Variants in EHMT1 observed in about 807,000 individuals in gnomAD.
The protein encoded by EHMT1 is euchromatic histone lysine methyltransferase 1.
EHMT1 carries 15 observed loss-of-function variants against 147.2 expected under a neutral mutation model. The observed-to-expected ratio is 0.10, with a 90% CI of 0.07 to 0.16. The LOEUF (loss-of-function observed/expected upper bound fraction) is 0.16, where lower values mean the gene tolerates loss of function less well. Among genes scored for constraint, EHMT1 ranks in the 10% least tolerant of loss-of-function variants. The pLI is 1.00. For missense variants in EHMT1, 1,587 were observed against 1,772.4 expected (o/e 0.90, Z 1.88); for synonymous variants, 795 against 709.6 (o/e 1.12, Z -1.91).
At chr9:137,679,681 TAGAGTTA>T (rs1399517193) in intron 1 of EHMT1, among the ~76,000 whole-genome samples, 1 of 152,238 alleles carries the variant, frequency 6.6e-6, no homozygotes, top group Non-Finnish European at 1.5e-5. Flanking sequence ...TCTTTCCTTA[TAGAGTTA>T]AGAGTAAGTA....
chr9:137,761,297 G>T (rs930050101), intron 9 of EHMT1, among the ~76,000 whole-genome samples: 2 of 152,196 alleles, frequency 1.3e-5, no homozygotes, highest in Non-Finnish European at 2.9e-5. Context: ...CTTTACTATA[G>T]GCATTTGCCA....
At chr9:137,810,803 A>G (rs1954414001) in intron 18 of EHMT1, among the ~76,000 whole-genome samples, 1 of 151,742 alleles carries the variant, frequency 6.6e-6, no homozygotes, top group Non-Finnish European at 1.5e-5. Context: ...GGGTTCAAGC[A>G]ATTCTCCTGC....
At chr9:137,631,497 CATG>C (rs1339125232) in intron 1 of EHMT1, among the ~76,000 whole-genome samples, 2 of 152,206 alleles carry the variant, frequency 1.3e-5, no homozygotes, top group Admixed American at 6.5e-5. Context: ...GTGCATATTT[CATG>C]ATGTTTATGA....
intron 2 of EHMT1, among the ~76,000 whole-genome samples, chr9:137,713,814 G>T (rs1314104128): frequency 6.6e-6 from 1 of 151,868 alleles, no homozygotes; most frequent in Admixed American, 6.6e-5. Context: ...GCGGGATGTG[G>T]TGGCTCGCAC....
chr9:137,784,092 T>A, intron 15 of EHMT1: 1 of 1,268,238 alleles, frequency 7.9e-7, no homozygotes, highest in East Asian at 2.5e-5. Context: ...AGAAAAGAAA[T>A]TTATTTCTCA....
intron 3 of EHMT1, among the ~76,000 whole-genome samples, chr9:137,723,426 G>A (rs1388490917): frequency 7.3e-6 from 1 of 136,710 alleles, no homozygotes; most frequent in East Asian, 2.3e-4. Context: ...CTGTGGTTCT[G>A]GGCCTGAGCC....
intron 16 of EHMT1, among the ~76,000 whole-genome samples, chr9:137,795,857 A>G (rs1264895491): frequency 6.6e-6 from 1 of 152,202 alleles, no homozygotes; most frequent in Non-Finnish European, 1.5e-5. Context: ...AAGCACCAAG[A>G]AAATAAAACA....
intron 1 of EHMT1, among the ~76,000 whole-genome samples, chr9:137,640,677 G>T (rs553449215): frequency 1.3e-5 from 2 of 152,348 alleles, no homozygotes; most frequent in Non-Finnish European, 2.9e-5. Context: ...CATTATAGGG[G>T]CCTGGCGCCC....
At chr9:137,795,808 A>G (rs937346513) in intron 16 of EHMT1, among the ~76,000 whole-genome samples, 9 of 152,202 alleles carry the variant, frequency 5.9e-5, no homozygotes, top group Admixed American at 3.3e-4. Context: ...GTATTAATCT[A>G]AGAAGACCAG....
Position 137,818,175 on chromosome 9 carries a change from T to C in EHMT1, c.3540+37T>C. The C allele has an allele frequency of 1.9e-6, 3 of 1,605,694 alleles. No homozygotes were observed. In the African/African-American group the frequency reaches 4.0e-5, roughly 21 times the overall value. On this transcript the variant is annotated intron_variant, in intron 25 of 26. Transcript: ENST00000460843. ...TGTGGGGTTGGGGCCACGCAGAACTTGTGAACTGTAAAACCTGAATGTGTT... is the reference window on the plus strand; with the variant it reads ...TGTGGGGTTGGGGCCACGCAGAACTCGTGAACTGTAAAACCTGAATGTGTT...
Position 137,782,355 on chromosome 9 carries a change from G to T in EHMT1, c.2340G>T (p.Ala780=), listed in dbSNP as rs139463826. The T allele has an allele frequency of 2.5e-6, 4 of 1,612,518 alleles. No homozygotes were observed. In the South Asian group the frequency reaches 3.3e-5, roughly 13 times the overall value. ...ATAAGCGCTCTCCACTGCACGCCGC[G>T]GCAGAGGCTGGACACGTGGACATCT... is the stretch of plus-strand genomic sequence containing the variant. ...HQNKRSPLHA[A]AEAGHVDICH... is the part of the protein sequence containing the mutation. The change falls in exon 15 of 27, where the codon GCG becomes GCT. Residue 780 remains alanine (A), a synonymous_variant. Coordinates refer to ENST00000460843, the MANE Select transcript of EHMT1 (RefSeq NM_024757.5). This position sits in a 1 kb window ranked among gnomAD's most constrained non-coding sequence, Gnocchi z 5.7.
In EHMT1 at chr9:137,782,985, TCTC is replaced by T. The variant is rs1481413771; in HGVS notation, c.2382+589_2382+591del. On this transcript the variant is annotated intron_variant, in intron 15 of 26. Coordinates refer to ENST00000460843, the MANE Select transcript of EHMT1 (RefSeq NM_024757.5). This position sits in a 1 kb window ranked among gnomAD's most constrained non-coding sequence, Gnocchi z 5.7. Reference sequence around the variant, plus strand: ...TGATCCCGGTGTTGGATCCCCTGTTTCTCAAGTGCCAGGTTTGAGTCTGGTGCA... The same window carrying T: ...TGATCCCGGTGTTGGATCCCCTGTTTAAGTGCCAGGTTTGAGTCTGGTGCA... Among the ~76,000 whole-genome samples the T allele has an allele frequency of 2.0e-5, 3 of 152,212 alleles. No homozygotes were observed. Among genetic ancestry groups the T allele is most frequent in the Non-Finnish European group, 4.4e-5 (3 of 68,032 alleles).
chr9:137,810,254 T>C (rs1181520444), intron 18 of EHMT1, among the ~76,000 whole-genome samples: 1 of 151,046 alleles, frequency 6.6e-6, no homozygotes, highest in Non-Finnish European at 1.5e-5. Context: ...GGACCGTCGG[T>C]GATGGGTCCG....
intron 15 of EHMT1, chr9:137,785,698 G>T (rs1951904760): frequency 6.6e-6 from 1 of 152,128 alleles, no homozygotes; most frequent in Non-Finnish European, 1.5e-5. Flanking sequence ...AAAACATATG[G>T]TTGCATCATG....
At chr9:137,666,916 A>G (rs185005131) in intron 1 of EHMT1, 37 of 152,338 alleles carry the variant, frequency 2.4e-4, no homozygotes, top group African/African-American at 8.7e-4. Flanking sequence ...TTAATTGTAA[A>G]TAACAGGATT....
intron 1 of EHMT1, among the ~76,000 whole-genome samples, chr9:137,673,869 C>T (rs759519460): frequency 2.0e-5 from 3 of 152,218 alleles, no homozygotes; most frequent in Non-Finnish European, 4.4e-5. Flanking sequence ...CAACATATTA[C>T]TTAGCCTCCC....
At chr9:137,737,572 G>A (rs1178692033) in intron 4 of EHMT1, among the ~76,000 whole-genome samples, 2 of 152,122 alleles carry the variant, frequency 1.3e-5, no homozygotes, top group Non-Finnish European at 2.9e-5. Flanking sequence ...GAAAACATAG[G>A]ACAAAGGCTC....
chr9:137,743,157 A>G (rs1243973173), intron 4 of EHMT1: 2 of 559,000 alleles, frequency 3.6e-6, no homozygotes, highest in Middle Eastern at 4.9e-4. Context: ...TGAACAGATG[A>G]TCCAGGACGT....
intron 1 of EHMT1, among the ~76,000 whole-genome samples, chr9:137,621,625 AG>A (rs1329797653): frequency 1.3e-5 from 2 of 152,060 alleles, no homozygotes; most frequent in Admixed American, 6.6e-5. Flanking sequence ...GAAAAAAAAA[AG>A]AAAAAAAACT....
Sources: allele counts gnomAD v4.1 joint callset (sites outside exome capture counted in the v4.1 genomes callset), GRCh38; gene constraint gnomAD v4.1.1; non-coding constraint Gnocchi (gnomAD v3.1); transcripts MANE v1.5; gene names NCBI Gene and HGNC (gene_info 2026-07-23, HGNC 2026-07-21).